KIAA1217: variants seen among roughly 807,000 people sequenced by gnomAD.
KIAA1217 encodes KIAA1217, also known as sickle tail protein homolog.
KIAA1217 carries 88 observed loss-of-function variants against 163.9 expected under a neutral mutation model. That is an observed-to-expected ratio of 0.54 (90% CI 0.45 to 0.64). KIAA1217 has a LOEUF of 0.64. Among genes scored for constraint, KIAA1217 ranks in the 30% least tolerant of loss-of-function variants. The pLI is 0.00. For synonymous variants in KIAA1217, 903 were observed against 923.1 expected (o/e 0.98, Z 0.39); for missense variants, 2,372 against 2,475.0 (o/e 0.96, Z 0.88).
At chr10:24,425,283 G>T (rs539636016) in intron 3 of KIAA1217, among the ~76,000 whole-genome samples, 29 of 152,140 alleles carry the variant, frequency 1.9e-4, no homozygotes, top group Non-Finnish European at 3.5e-4. Flanking sequence ...ACATTTTAGG[G>T]TATAGTCATC....
At chr10:23,794,949 C>T (rs1341539897) in intron 1 of KIAA1217, among the ~76,000 whole-genome samples, 2 of 152,202 alleles carry the variant, frequency 1.3e-5, no homozygotes, top group Non-Finnish European at 2.9e-5. Context: ...ACTCAGTTTC[C>T]AGCTTGTGAT....
At chr10:24,083,472 G>A (rs1426714554) in intron 2 of KIAA1217, among the ~76,000 whole-genome samples, 1 of 152,198 alleles carries the variant, frequency 6.6e-6, no homozygotes, top group Admixed American at 6.5e-5. Context: ...AAGAGGAAGT[G>A]CTCAATAATT....
intron 1 of KIAA1217, among the ~76,000 whole-genome samples, chr10:23,951,305 G>A (rs570238539): frequency 1.3e-5 from 2 of 152,158 alleles, no homozygotes; most frequent in East Asian, 3.9e-4. Flanking sequence ...CTCCAAGGTT[G>A]CTAGTAATGT....
At chr10:24,460,330 T>G (rs2062264621) in intron 5 of KIAA1217, among the ~76,000 whole-genome samples, 1 of 152,208 alleles carries the variant, frequency 6.6e-6, no homozygotes, top group African/African-American at 2.4e-5. Context: ...ACACTCCGTA[T>G]ACTTAGGATA....
At chr10:23,929,026 AAAG>A (rs1297932623) in intron 1 of KIAA1217, among the ~76,000 whole-genome samples, 3 of 152,220 alleles carry the variant, frequency 2.0e-5, no homozygotes, top group Non-Finnish European at 4.4e-5. Context: ...AGAGGACCAG[AAAG>A]AAGATCAGTG....
chr10:23,922,826 A>T (rs150979233), intron 1 of KIAA1217, among the ~76,000 whole-genome samples: 81 of 152,322 alleles, frequency 5.3e-4, no homozygotes, highest in African/African-American at 1.7e-3. Flanking sequence ...AAGGTAAAGG[A>T]AAACCTATCC....
intron 2 of KIAA1217, among the ~76,000 whole-genome samples, chr10:24,241,305 A>G (rs891450957): frequency 1.3e-5 from 2 of 152,238 alleles, no homozygotes; most frequent in Non-Finnish European, 2.9e-5. Context: ...AACTCCCAGC[A>G]GCAGCAATGA....
At chr10:24,408,980 G>A (rs1313913807) in intron 3 of KIAA1217, among the ~76,000 whole-genome samples, 1 of 152,190 alleles carries the variant, frequency 6.6e-6, no homozygotes, top group Non-Finnish European at 1.5e-5. Flanking sequence ...CTCCTAGTAT[G>A]GTGCCTGCAC....
At chr10:23,782,186 A>C (rs1257561263) in intron 1 of KIAA1217, among the ~76,000 whole-genome samples, 1 of 152,152 alleles carries the variant, frequency 6.6e-6, no homozygotes, top group East Asian at 1.9e-4. Flanking sequence ...TTCTTTCAAC[A>C]ATTCATGAAT....
chr10:24,514,270 GA>G (rs998442328), intron 10 of KIAA1217, among the ~76,000 whole-genome samples: 1 of 152,106 alleles, frequency 6.6e-6, no homozygotes, highest in African/African-American at 2.4e-5. Context: ...TTGTTTCTTG[GA>G]AAACTTAAAT....
chr10:23,845,569 C>T (rs541745805), intron 1 of KIAA1217, among the ~76,000 whole-genome samples: 1 of 152,080 alleles, frequency 6.6e-6, no homozygotes, highest in African/African-American at 2.4e-5. Context: ...CCTTTGCCAA[C>T]TTTTTGATGG....
intron 1 of KIAA1217, among the ~76,000 whole-genome samples, chr10:23,947,734 C>A (rs1269869160): frequency 6.6e-6 from 1 of 152,068 alleles, no homozygotes; most frequent in East Asian, 1.9e-4. Flanking sequence ...CAGATGGGAA[C>A]CCAATGGATA....
At chr10:24,005,218 C>A (rs1846938944) in intron 1 of KIAA1217, among the ~76,000 whole-genome samples, 1 of 152,186 alleles carries the variant, frequency 6.6e-6, no homozygotes, top group African/African-American at 2.4e-5. Context: ...GCCTAGCTGG[C>A]AGGACTGTCC....
intron 1 of KIAA1217, among the ~76,000 whole-genome samples, chr10:23,942,504 AGAGTT>A (rs1843822366): frequency 6.6e-6 from 1 of 152,248 alleles, no homozygotes; most frequent in Non-Finnish European, 1.5e-5. Flanking sequence ...TATGAAAAGT[AGAGTT>A]AACAAACAAC....
At chr10:23,908,434 A>G (rs1319926282) in intron 1 of KIAA1217, among the ~76,000 whole-genome samples, 1 of 151,940 alleles carries the variant, frequency 6.6e-6, no homozygotes, top group East Asian at 1.9e-4. Flanking sequence ...CACCTCTTGG[A>G]CTGCTCTTTC....
At chr10:24,137,124 G>T (rs899329902) in intron 2 of KIAA1217, among the ~76,000 whole-genome samples, 2 of 152,190 alleles carry the variant, frequency 1.3e-5, no homozygotes, top group Admixed American at 6.5e-5. Flanking sequence ...TCACATTTGA[G>T]AGGACATTGG....
intron 2 of KIAA1217, among the ~76,000 whole-genome samples, chr10:24,059,903 G>A (rs2060656472): frequency 6.6e-6 from 1 of 152,140 alleles, no homozygotes; most frequent in African/African-American, 2.4e-5. Flanking sequence ...CCCAGTCTTG[G>A]TAAGCTGTAT....
chr10:24,424,826 C>T (rs1235986003), intron 3 of KIAA1217, among the ~76,000 whole-genome samples: 2 of 152,188 alleles, frequency 1.3e-5, no homozygotes, highest in Non-Finnish European at 2.9e-5. Flanking sequence ...TGATCTCGAT[C>T]TCCTGACCTT....
intron 1 of KIAA1217, among the ~76,000 whole-genome samples, chr10:23,810,562 T>C (rs909676192): frequency 2.2e-5 from 3 of 134,028 alleles, no homozygotes; most frequent in Non-Finnish European, 4.6e-5. Context: ...ATATAGTATA[T>C]ATAGTATAAT....
Sources: allele counts gnomAD v4.1 joint callset (sites outside exome capture counted in the v4.1 genomes callset), GRCh38; gene constraint gnomAD v4.1.1; transcripts MANE v1.5; gene names NCBI Gene and HGNC (gene_info 2026-07-23, HGNC 2026-07-21).